The following RALGAPB variants were observed in gnomAD, a reference collection of about 807,000 sequenced individuals.
RALGAPB encodes the protein ral GTPase-activating protein subunit beta.
RALGAPB carries 25 observed loss-of-function variants against 161.1 expected under a neutral mutation model. That is an observed-to-expected ratio of 0.16 (90% CI 0.11 to 0.22). The LOEUF (loss-of-function observed/expected upper bound fraction) is 0.22, where lower values mean the gene tolerates loss of function less well. Ranked by LOEUF, RALGAPB falls within the 10% of genes least tolerant of loss-of-function variation. RALGAPB has a pLI of 1.00. For missense variants in RALGAPB, 1,391 were observed against 1,815.2 expected, an observed-to-expected ratio of 0.77 and a Z score of 4.25; for synonymous variants, 629 against 626.1, an observed-to-expected ratio of 1.00 and a Z score of -0.07.
At chr20:38,517,112 A>C (rs890794367) in intron 7 of RALGAPB, among the ~76,000 whole-genome samples, 1 of 152,332 alleles carries the variant, frequency 6.6e-6, no homozygotes, top group African/African-American at 2.4e-5. Context: ...CATTCTTTGC[A>C]CAGTGCCTCA....
At chr20:38,571,067 G>A (rs1382228896) in intron 28 of RALGAPB, among the ~76,000 whole-genome samples, 1 of 152,148 alleles carries the variant, frequency 6.6e-6, no homozygotes, top group Non-Finnish European at 1.5e-5. Context: ...TGATTGACTT[G>A]TTAAAAGCTA....
chr20:38,552,171 G>A (rs2087399229), intron 21 of RALGAPB, among the ~76,000 whole-genome samples: 1 of 146,874 alleles, frequency 6.8e-6, no homozygotes, highest in African/African-American at 2.5e-5. Flanking sequence ...ATGGAGTTTC[G>A]CTCTTGTTGC....
chr20:38,507,018 TA>T (rs1005098867), intron 5 of RALGAPB, among the ~76,000 whole-genome samples: 12 of 152,128 alleles, frequency 7.9e-5, no homozygotes, highest in African/African-American at 2.4e-4. Context: ...ATGATTGCTT[TA>T]AAAAAATTAT....
In RALGAPB at chr20:38,517,560, G is replaced by A. The variant is rs764723383; in HGVS notation, c.1106G>A (p.Ser369Asn). 6.2e-7 allele frequency: 1 copy of A among 1,613,218 alleles called. No homozygotes were observed. The highest frequency in any genetic ancestry group is 8.5e-7 in the Non-Finnish European group (1 of 1,179,826). ...CCCCCAACACCCGTGAATAGATTAA[G>A]TATGCCTCAAAGTGCTGCTGTCAGT... Reference protein sequence around the residue: ...SAPPTPVNRLSMPQSAAVSTT... With the variant: ...SAPPTPVNRLNMPQSAAVSTT... Residue 369 changes from serine (S) to asparagine (N), a missense_variant, in exon 8 of 30, where the codon AGT becomes AAT. Physicochemically the swap from Ser to Asn is conservative, Grantham distance 46 (BLOSUM62 1). Transcript: ENST00000262879.
chr20:38,515,624 A>G (rs2086101923), intron 6 of RALGAPB, among the ~76,000 whole-genome samples: 1 of 152,188 alleles, frequency 6.6e-6, no homozygotes, highest in Admixed American at 6.5e-5. Context: ...TTTCAAATAT[A>G]GTTGTTTTTT....
chr20:38,549,999 A>G (rs900448458), intron 20 of RALGAPB, among the ~76,000 whole-genome samples: 1 of 152,360 alleles, frequency 6.6e-6, no homozygotes, highest in African/African-American at 2.4e-5. Flanking sequence ...TTGTAGGGAC[A>G]TGGATGAAAT....
At chr20:38,541,328 TA>T in intron 18 of RALGAPB, 136 bp downstream of exon 18, 1 of 921,886 alleles carries the variant, frequency 1.1e-6, no homozygotes, top group Non-Finnish European at 1.5e-6. Context: ...TCTCCAGAAA[TA>T]AAATGGGAAG....
intron 20 of RALGAPB, among the ~76,000 whole-genome samples, chr20:38,549,174 A>G (rs1186471777): frequency 6.6e-6 from 1 of 152,146 alleles, no homozygotes; most frequent in Admixed American, 6.6e-5. Context: ...ACTTAGTTTG[A>G]AATTGTTTTA....
At chr20:38,473,976 T>C (rs968756935) in intron 1 of RALGAPB, among the ~76,000 whole-genome samples, 2 of 152,204 alleles carry the variant, frequency 1.3e-5, no homozygotes, top group Non-Finnish European at 2.9e-5. Context: ...TGGGAGCTTG[T>C]TAAACTTGCA....
At chr20:38,502,450 C>T (rs367820311) in intron 5 of RALGAPB, among the ~76,000 whole-genome samples, 6 of 152,324 alleles carry the variant, frequency 3.9e-5, no homozygotes, top group East Asian at 1.9e-4. Context: ...TTGCTTGATA[C>T]GTTCTGTTGT....
intron 25 of RALGAPB, among the ~76,000 whole-genome samples, chr20:38,565,895 T>A (rs888806432): frequency 1.3e-5 from 2 of 152,186 alleles, no homozygotes; most frequent in Non-Finnish European, 2.9e-5. Flanking sequence ...TGGCCATTCT[T>A]CTAACACTGA....
chr20:38,504,350 T>C (rs1005800004), intron 5 of RALGAPB, among the ~76,000 whole-genome samples: 2 of 152,188 alleles, frequency 1.3e-5, no homozygotes, highest in African/African-American at 4.8e-5. Context: ...CTCTATTCAA[T>C]AAATAGTGCA....
At chr20:38,531,107 C>G (rs2086638895) in intron 13 of RALGAPB, 60 bp from the exon 14 acceptor site, 3 of 1,340,428 alleles carry the variant, frequency 2.2e-6, no homozygotes, top group Non-Finnish European at 3.2e-6. Context: ...TATAAAATGT[C>G]TTACGCATTT....
At chr20:38,526,110 C>G in intron 13 of RALGAPB, 68 bp downstream of exon 13, 1 of 1,538,950 alleles carries the variant, frequency 6.5e-7, no homozygotes, top group Admixed American at 1.9e-5. Context: ...GCTGAGGAGG[C>G]GGCAGTCGGT....
chr20:38,513,979 ACT>A (rs972067817), intron 6 of RALGAPB, among the ~76,000 whole-genome samples: 1 of 151,830 alleles, frequency 6.6e-6, no homozygotes, highest in Non-Finnish European at 1.5e-5. Context: ...GAACAGTAAA[ACT>A]CTAGTCGAGT....
At chr20:38,489,176 G>A (rs1779735263) in intron 2 of RALGAPB, among the ~76,000 whole-genome samples, 1 of 152,132 alleles carries the variant, frequency 6.6e-6, no homozygotes, top group African/African-American at 2.4e-5. Flanking sequence ...AATTGGGGTT[G>A]TGTTTGCTGT....
chr20:38,537,507 A>G (rs1450819274), intron 16 of RALGAPB, among the ~76,000 whole-genome samples: 2 of 150,904 alleles, frequency 1.3e-5, no homozygotes, highest in East Asian at 3.8e-4. Context: ...GAAGAAAACA[A>G]GAGAAAATCT....
chr20:38,520,205 T>G (rs2086247616), intron 9 of RALGAPB: 1 of 724,218 alleles, frequency 1.4e-6, no homozygotes, highest in African/African-American at 1.9e-5. Context: ...CTACTGTCCT[T>G]TGATTTGTTT....
chr20:38,525,497 T>C lies in RALGAPB; in HGVS notation c.1881T>C (p.His627=). Residue 627 remains histidine (H), a synonymous_variant, in exon 12 of 30, where the codon CAT becomes CAC. Coordinates refer to ENST00000262879, the MANE Select transcript of RALGAPB (RefSeq NM_020336.4). ...TTTCTTTGTTGCCCCTCCCTCATCA[T>C]TTTGGCACAGTCAAATCTGAGGTAA... The part of the protein sequence containing the change: ...ILLSLLPLPH[H]FGTVKSEVVL... The C allele has an allele frequency of 6.2e-7, 1 of 1,605,750 alleles. No individual in the cohort carries two copies. Among genetic ancestry groups the C allele is most frequent in the Non-Finnish European group, 8.5e-7 (1 of 1,174,226 alleles).
Sources: allele counts gnomAD v4.1 joint callset (sites outside exome capture counted in the v4.1 genomes callset), GRCh38; gene constraint gnomAD v4.1.1; transcripts MANE v1.5; gene names NCBI Gene and HGNC (gene_info 2026-07-23, HGNC 2026-07-21).